The following LRP12 variants were observed in gnomAD, a reference collection of about 807,000 sequenced individuals.
The protein encoded by LRP12 is low-density lipoprotein receptor-related protein 12.
In LRP12, 14 loss-of-function variants were observed where a neutral mutation model predicts 66.0. That is an observed-to-expected ratio of 0.21 (90% CI 0.14 to 0.33). The LOEUF (loss-of-function observed/expected upper bound fraction) is 0.33. LRP12 is among the 10% of genes least tolerant of loss of function. LRP12 has a pLI of 1.00. For missense variants in LRP12, 889 were observed against 1,053.4 expected (o/e 0.84, Z 2.16); for synonymous variants, 357 against 359.1 (o/e 0.99, Z 0.07).
intron 1 of LRP12, among the ~76,000 whole-genome samples, chr8:104,586,304 A>T (rs772109357): frequency 2.0e-4 from 31 of 152,160 alleles, no homozygotes; most frequent in Non-Finnish European, 3.7e-4. Flanking sequence ...ACAACAAAAA[A>T]TTTTTTTATG....
intron 2 of LRP12, among the ~76,000 whole-genome samples, chr8:104,516,149 T>C (rs562630145): frequency 6.6e-6 from 1 of 152,306 alleles, no homozygotes; most frequent in Non-Finnish European, 1.5e-5. Context: ...ATAATGATGA[T>C]CTACATTCTC....
chr8:104,507,750 CT>C (rs1431960299), intron 3 of LRP12: 2 of 152,090 alleles, frequency 1.3e-5, no homozygotes, highest in African/African-American at 4.8e-5. Flanking sequence ...AGAACAACAG[CT>C]TTTGTATGTG....
chr8:104,530,972 G>A (rs1198959948), intron 2 of LRP12, among the ~76,000 whole-genome samples: 1 of 152,156 alleles, frequency 6.6e-6, no homozygotes, highest in African/African-American at 2.4e-5. Context: ...AACTAGGCTT[G>A]TTGGGCTTGA....
rs74591687 is a variant in LRP12, at chr8:104,551,323, A to G, written c.80-19360T>C. 3.0e-4 allele frequency among the ~76,000 whole-genome samples: 46 copies of G among 152,276 alleles called. No homozygotes were observed. The East Asian group carries it at 8.3e-3, about 28-fold the overall frequency. ...TATTAGTACGTATTGAGTTATAAGC[A>G]TATTACTACCACAATCCTCATCATA... On this transcript the variant is annotated intron_variant, in intron 1 of 6. Coordinates refer to ENST00000276654, the MANE Select transcript of LRP12 (RefSeq NM_013437.5).
chr8:104,587,241 A>C (rs904482569), intron 1 of LRP12, among the ~76,000 whole-genome samples: 3 of 152,194 alleles, frequency 2.0e-5, no homozygotes, highest in African/African-American at 7.2e-5. Flanking sequence ...TAATCACCCT[A>C]AATTAAAGAT....
chr8:104,551,336 A>C (rs561520219), intron 1 of LRP12, among the ~76,000 whole-genome samples: 1 of 152,232 alleles, frequency 6.6e-6, no homozygotes, highest in South Asian at 2.1e-4. Context: ...TTACTACCAC[A>C]ATCCTCATCA....
Position 104,548,363 on chromosome 8 carries a change from AT to A in LRP12, c.80-16401del, listed in dbSNP as rs1474113544. ...AATATATAAATATATAATATATATT[AT>A]ATAAATATATTATATAAATATATAA... On this transcript the variant is annotated intron_variant, in intron 1 of 6. Transcript: ENST00000276654. Among the ~76,000 whole-genome samples the A allele has an allele frequency of 1.3e-4, 8 of 59,286 alleles. 3 individuals are homozygous for A. The highest frequency in any genetic ancestry group is 7.1e-4 in the African/African-American group (7 of 9,802). 38.9% of individuals were successfully genotyped at this position (59,286 alleles called of 152,430 possible).
chr8:104,538,139 G>T (rs931347965), intron 1 of LRP12, among the ~76,000 whole-genome samples: 2 of 152,204 alleles, frequency 1.3e-5, no homozygotes, highest in African/African-American at 4.8e-5. Context: ...GCCTAGGAGT[G>T]AGGTGTTGAA....
rs143373930 is a variant in LRP12, at chr8:104,497,019, T to C, written c.1533A>G (p.Ala511=). The C allele has an allele frequency of 2.6e-4, 415 of 1,572,636 alleles. No individual in the cohort carries two copies. Among genetic ancestry groups the C allele is most frequent in the Non-Finnish European group, 3.4e-4 (398 of 1,160,106 alleles). The stretch of plus-strand genomic sequence containing the variant: ...AATAAAGCTTACAAGTACATCCCAA[T>C]GCTATGACGAGTAACAGGCCACAGA... ...SLICGLLLVI[A]LGCTCKLYSL... is the part of the protein sequence containing the mutation. The change falls in exon 5 of 7, where the codon GCA becomes GCG. Residue 511 remains alanine (A), a synonymous_variant. Coordinates refer to ENST00000276654, the MANE Select transcript of LRP12 (RefSeq NM_013437.5). This position sits in a 1 kb window ranked among gnomAD's most constrained non-coding sequence, Gnocchi z 4.3.
intron 2 of LRP12, among the ~76,000 whole-genome samples, chr8:104,525,855 A>T (rs958332847): frequency 3.3e-5 from 5 of 152,116 alleles, no homozygotes; most frequent in African/African-American, 7.2e-5. Flanking sequence ...GAGAAGGAAA[A>T]AAAGGGTATT....
intron 3 of LRP12, among the ~76,000 whole-genome samples, chr8:104,500,504 G>C (rs1183080271): frequency 6.6e-6 from 1 of 152,062 alleles, no homozygotes; most frequent in East Asian, 1.9e-4. Context: ...TCAGGAGTTT[G>C]AGACCAGCCT....
At chr8:104,512,045 C>T (rs1811007265) in intron 2 of LRP12, among the ~76,000 whole-genome samples, 1 of 152,130 alleles carries the variant, frequency 6.6e-6, no homozygotes, top group Admixed American at 6.6e-5. Flanking sequence ...TGCCAGTTTT[C>T]TTCCACTTTA....
At chr8:104,511,669 T>A (rs1236439699) in intron 2 of LRP12, among the ~76,000 whole-genome samples, 1 of 152,218 alleles carries the variant, frequency 6.6e-6, no homozygotes, top group Non-Finnish European at 1.5e-5. Flanking sequence ...TCAATCCTTA[T>A]TTCTATAGAA....
At chr8:104,529,054 T>G (rs767664197) in intron 2 of LRP12, among the ~76,000 whole-genome samples, 1 of 152,146 alleles carries the variant, frequency 6.6e-6, no homozygotes, top group Non-Finnish European at 1.5e-5. Context: ...CCTCCAAAAC[T>G]CATATTTTAG....
chr8:104,517,170 T>C (rs1811081941), intron 2 of LRP12, among the ~76,000 whole-genome samples: 1 of 150,038 alleles, frequency 6.7e-6, no homozygotes, highest in Non-Finnish European at 1.5e-5. Context: ...CCAAGAAGCA[T>C]ATAACAGTTA....
intron 1 of LRP12, among the ~76,000 whole-genome samples, chr8:104,568,176 A>G (rs1015690712): frequency 4.6e-5 from 7 of 152,140 alleles, no homozygotes; most frequent in African/African-American, 1.4e-4. Context: ...TGGGAGAAAG[A>G]CTGGTTTTTT....
intron 1 of LRP12, among the ~76,000 whole-genome samples, chr8:104,573,588 G>T (rs556601234): frequency 1.0e-3 from 159 of 151,902 alleles, no homozygotes; most frequent in African/African-American, 3.7e-3. Flanking sequence ...TTCTCCCCTC[G>T]GCATTTATTA....
In LRP12 at chr8:104,497,359, T is replaced by C; in HGVS notation, c.1193A>G (p.Tyr398Cys). The C allele has an allele frequency of 6.2e-7, 1 of 1,614,040 alleles. No homozygotes were observed. Among genetic ancestry groups the C allele is most frequent in the Non-Finnish European group, 8.5e-7 (1 of 1,179,982 alleles). The change falls in exon 5 of 7, where the codon TAT (tyrosine) becomes TGT (cysteine). Residue 398 changes from tyrosine (Y) to cysteine (C), a missense_variant. Physicochemically the swap from Tyr to Cys is radical, Grantham distance 194 (BLOSUM62 -2). Transcript: ENST00000276654. This position sits in a 1 kb window ranked among gnomAD's most constrained non-coding sequence, Gnocchi z 4.3. Reference sequence around the variant, plus strand: ...ATCCCTTCCATTTGGGCAATGCCAATACCCATCACAACGCTGCTGCTCAGT... The same window carrying C: ...ATCCCTTCCATTTGGGCAATGCCAACACCCATCACAACGCTGCTGCTCAGT... ...CYTEQQRCDG[Y>C]WHCPNGRDET...
chr8:104,529,669 T>C (rs1289723066), intron 2 of LRP12, among the ~76,000 whole-genome samples: 1 of 152,222 alleles, frequency 6.6e-6, no homozygotes, highest in Non-Finnish European at 1.5e-5. Flanking sequence ...TCAGCAAATC[T>C]GCATTTGCAA....
Sources: allele counts gnomAD v4.1 joint callset (sites outside exome capture counted in the v4.1 genomes callset), GRCh38; gene constraint gnomAD v4.1.1; non-coding constraint Gnocchi (gnomAD v3.1); transcripts MANE v1.5; gene names NCBI Gene and HGNC (gene_info 2026-07-23, HGNC 2026-07-21).